CGNL1: variants seen among roughly 807,000 people sequenced by gnomAD.
CGNL1 encodes cingulin-like protein 1.
A neutral mutation model predicts 141.2 loss-of-function variants in CGNL1; 132 were observed. The observed-to-expected ratio is 0.93, with a 90% CI of 0.81 to 1.08. CGNL1 has a LOEUF of 1.08. CGNL1 is among the 50% of genes least tolerant of loss of function. The probability of loss-of-function intolerance (pLI) is 0.00; values close to 1 mark genes in which losing one functional copy is unlikely to be tolerated. For synonymous variants in CGNL1, 690 were observed against 622.1 expected (o/e 1.11, Z -1.63); for missense variants, 1,870 against 1,588.6 (o/e 1.18, Z -3.01).
At chr15:57,408,258 G>A (rs2062745484) in intron 1 of CGNL1, among the ~76,000 whole-genome samples, 2 of 151,954 alleles carry the variant, frequency 1.3e-5, no homozygotes, top group Non-Finnish European at 2.9e-5. Flanking sequence ...TTTGGTAAAG[G>A]GAAAACAGAG....
chr15:57,545,548 G>T (rs753267113), intron 16 of CGNL1, 44 bp from the exon 17 acceptor site: 3 of 1,563,864 alleles, frequency 1.9e-6, no homozygotes. Context: ...CCCCCTGCAG[G>T]GATGGGAGTG....
At chr15:57,520,492 G>T (rs759503914) in intron 10 of CGNL1, among the ~76,000 whole-genome samples, 1 of 152,204 alleles carries the variant, frequency 6.6e-6, no homozygotes, top group East Asian at 1.9e-4. Flanking sequence ...CCATGACTCA[G>T]TTAAAAAGTA....
intron 8 of CGNL1, among the ~76,000 whole-genome samples, chr15:57,505,973 G>C (rs1183086886): frequency 2.0e-5 from 3 of 152,180 alleles, no homozygotes; most frequent in Non-Finnish European, 2.9e-5. Flanking sequence ...CAAGACTTCC[G>C]GGCAGGGGTG....
At chr15:57,540,883 G>A (rs1280875980) in intron 14 of CGNL1, among the ~76,000 whole-genome samples, 4 of 152,226 alleles carry the variant, frequency 2.6e-5, no homozygotes, top group African/African-American at 9.6e-5. Context: ...CAGCACACAA[G>A]CGTGTGCACT....
rs752551648 is a variant in CGNL1 at position 57,549,799 on chromosome 15, C to T, written c.*2309C>T. On this transcript the variant is annotated 3_prime_UTR_variant, in exon 19 of 19. Transcript: ENST00000281282. ...AGCCCTCTGTCTGTCCTTCTGAGGA[C>T]GCAACAAGCCTGGTTCCCTAGAGCT... 12 of 152,166 alleles carry T rather than the reference C, an allele frequency of 7.9e-5. No individual in the cohort carries two copies. Among genetic ancestry groups the T allele is most frequent in the African/African-American group, 2.2e-4 (9 of 41,414 alleles). 9.4% of individuals were successfully genotyped at this position (152,166 alleles called of 1,614,324 possible).
Position 57,467,112 on chromosome 15 carries a change from A to C in CGNL1, c.2403+5220A>C, listed in dbSNP as rs540521632. Among the ~76,000 whole-genome samples, 15 of 152,330 alleles carry C rather than the reference A, an allele frequency of 9.8e-5. No homozygotes were observed. In the South Asian group the frequency reaches 3.1e-3, roughly 32 times the overall value. ...AAACTGATTTACTGAGCAACTGCCA[A>C]GTACAGGGCATCGTGCTAAGTTCGT... On this transcript the variant is annotated intron_variant, in intron 8 of 18. Transcript: ENST00000281282.
At chr15:57,398,163 T>C (rs1456570169) in intron 1 of CGNL1, among the ~76,000 whole-genome samples, 2 of 152,200 alleles carry the variant, frequency 1.3e-5, no homozygotes, top group East Asian at 3.8e-4. Flanking sequence ...ATTTGGAAAA[T>C]ACAGAAAAGT....
chr15:57,398,704 G>A (rs978444150), intron 1 of CGNL1, among the ~76,000 whole-genome samples: 2 of 152,206 alleles, frequency 1.3e-5, no homozygotes, highest in African/African-American at 2.4e-5. Flanking sequence ...TACTCAAACC[G>A]GCAGGTTGTT....
intron 12 of CGNL1, among the ~76,000 whole-genome samples, chr15:57,526,779 G>C (rs1178066195): frequency 6.6e-6 from 1 of 152,154 alleles, no homozygotes; most frequent in South Asian, 2.1e-4. Flanking sequence ...CCCTCGTCAA[G>C]GACTCTGAGT....
chr15:57,512,177 G>A (rs1410157006), intron 8 of CGNL1, among the ~76,000 whole-genome samples: 1 of 152,170 alleles, frequency 6.6e-6, no homozygotes, highest in Non-Finnish European at 1.5e-5. Flanking sequence ...TTCAGAGTTG[G>A]GAGAACTTTG....
intron 1 of CGNL1, among the ~76,000 whole-genome samples, chr15:57,389,480 A>T (rs534129134): frequency 6.6e-6 from 1 of 152,230 alleles, no homozygotes; most frequent in Non-Finnish European, 1.5e-5. Context: ...ATGAGCAGAC[A>T]CTTTTTCAAC....
At chr15:57,454,292 C>A (rs536830193) in intron 7 of CGNL1, among the ~76,000 whole-genome samples, 24 of 152,180 alleles carry the variant, frequency 1.6e-4, no homozygotes, top group African/African-American at 5.5e-4. Flanking sequence ...AGATGATAAA[C>A]AATTTAGAAC....
intron 8 of CGNL1, among the ~76,000 whole-genome samples, chr15:57,489,371 A>G (rs905681387): frequency 1.3e-5 from 2 of 152,200 alleles, no homozygotes; most frequent in Non-Finnish European, 2.9e-5. Flanking sequence ...CAGGTATGTG[A>G]TTCTGGTAAT....
At position 57,442,439 on chromosome 15, in the gene CGNL1, A is replaced by C; in HGVS notation, c.1764A>C (p.Leu588Phe). ...TGGTCTTTGAGAAAATCCAGACCTT[A>C]AAGTCTCGAGCAGCTGGGAGCGCCC... ...VNLVFEKIQT[L>F]KSRAAGSAQG... The change falls in exon 4 of 19, where the codon TTA becomes TTC. Residue 588 changes from leucine (L) to phenylalanine (F), a missense_variant. Physicochemically the swap from Leu to Phe is conservative, Grantham distance 22. Transcript: ENST00000281282. The C allele has an allele frequency of 1.9e-6, 3 of 1,613,588 alleles. No homozygotes were observed. Among genetic ancestry groups the C allele is most frequent in the Non-Finnish European group, 2.5e-6 (3 of 1,179,586 alleles).
At chr15:57,401,584 A>G (rs2062660927) in intron 1 of CGNL1, among the ~76,000 whole-genome samples, 1 of 152,300 alleles carries the variant, frequency 6.6e-6, no homozygotes, top group East Asian at 1.9e-4. Flanking sequence ...AACAGCTTCA[A>G]CCTGATGAAG....
intron 1 of CGNL1, among the ~76,000 whole-genome samples, chr15:57,433,927 CT>C (rs1386767546): frequency 7.5e-6 from 1 of 133,426 alleles, no homozygotes; most frequent in Non-Finnish European, 1.6e-5. Flanking sequence ...CAGTGGAATA[CT>C]TTTTTCTTTC....
At position 57,544,429 on chromosome 15, in the gene CGNL1, G is replaced by A. The variant is rs772717183; in HGVS notation, c.3376-44G>A. 6.2e-6 allele frequency: 10 copies of A among 1,612,122 alleles called. No homozygotes were observed. In the East Asian group the frequency reaches 8.9e-5, roughly 14 times the overall value. On this transcript the variant is annotated intron_variant, in intron 15 of 18. Coordinates refer to ENST00000281282, the MANE Select transcript of CGNL1 (RefSeq NM_032866.5). The stretch of plus-strand genomic sequence containing the variant: ...TATTCTTCGCTGCTCTGCACAGAGC[G>A]TGGCAGACACATAGCCCCTCACAGT...
At chr15:57,495,693 C>G (rs1176492426) in intron 8 of CGNL1, among the ~76,000 whole-genome samples, 1 of 152,134 alleles carries the variant, frequency 6.6e-6, no homozygotes, top group African/African-American at 2.4e-5. Flanking sequence ...CACTTATAAG[C>G]ACCAAGTAAG....
chr15:57,462,288 T>G (rs2063457349), intron 8 of CGNL1, among the ~76,000 whole-genome samples: 1 of 152,298 alleles, frequency 6.6e-6, no homozygotes, highest in South Asian at 2.1e-4. Context: ...CCTGGAATCC[T>G]TCATCCCCCA....
Sources: gnomAD v4.1 joint callset for allele counts (sites outside exome capture counted in the v4.1 genomes callset) on GRCh38, gnomAD v4.1.1 for gene constraint, MANE v1.5 for transcripts, NCBI Gene and HGNC (gene_info 2026-07-23, HGNC 2026-07-21) for gene names.